Variants in DNM2 observed in about 807,000 individuals in gnomAD.
DNM2 encodes dynamin-2.
Under a neutral mutation model 99.0 loss-of-function variants are expected in DNM2, and 15 were observed. The observed-to-expected ratio is 0.15, with a 90% confidence interval of 0.10 to 0.23. The LOEUF (loss-of-function observed/expected upper bound fraction) is 0.23, where lower values mean the gene tolerates loss of function less well. DNM2 is among the 10% of genes least tolerant of loss of function. The pLI, the probability that DNM2 is intolerant of heterozygous loss-of-function variation, is 1.00. For missense variants in DNM2, 742 were observed against 1,189.4 expected (o/e 0.62, Z 5.53); for synonymous variants, 525 against 481.2 (o/e 1.09, Z -1.19).
Position 10,830,225 on chromosome 19 carries a change from C to T in DNM2, c.2390C>T (p.Pro797Leu), listed in dbSNP as rs2073290117. 2 of 1,613,994 alleles carry T rather than the reference C, an allele frequency of 1.2e-6. No individual in the cohort carries two copies. The highest frequency in any genetic ancestry group is 3.3e-4 in the Middle Eastern group (2 of 6,058). Reference protein sequence around the residue: ...PTPGPPLIPVPVGAAASFSAP... With the variant: ...PTPGPPLIPVLVGAAASFSAP... ...CCAGGGCCCCCCCTGATTCCTGTTC[C>T]CGTGGGGGCAGCAGCCTCCTTCTCG... The change falls in exon 20 of 21, where the codon CCC (proline) becomes CTC (leucine). Residue 797 changes from proline (P) to leucine (L), a missense_variant. Pro to Leu is a moderately conservative substitution (Grantham distance 98). Coordinates refer to ENST00000389253, the MANE Select transcript of DNM2 (RefSeq NM_001005361.3). The surrounding 1 kb of genome is among the most constrained non-coding windows in gnomAD (Gnocchi z 4.8).
chr19:10,802,328 C>A lies in DNM2; in HGVS notation c.1463C>A (p.Thr488Lys), dbSNP rs746903992. The A allele has an allele frequency of 2.5e-6, 4 of 1,614,192 alleles. No individual in the cohort carries two copies. The change falls in exon 12 of 21, where the codon ACG (threonine) becomes AAG (lysine). Residue 488 changes from threonine (T) to lysine (K), a missense_variant. By Grantham distance (78) the Thr-to-Lys change is moderately conservative (BLOSUM62 -1). Coordinates refer to ENST00000389253, the MANE Select transcript of DNM2 (RefSeq NM_001005361.3). Reference protein sequence around the residue: ...LIDIEQSYINTNHEDFIGFAN... With the variant: ...LIDIEQSYINKNHEDFIGFAN... ...GACATTGAGCAGTCCTACATCAACA[C>A]GAACCATGAGGACTTCATCGGGTTT...
intron 1 of DNM2, among the ~76,000 whole-genome samples, chr19:10,756,379 A>G (rs772330090): frequency 6.6e-6 from 1 of 152,026 alleles, no homozygotes; most frequent in African/African-American, 2.4e-5. Context: ...CACCTCCCCA[A>G]GTGCTCAGGA....
intron 2 of DNM2, among the ~76,000 whole-genome samples, chr19:10,760,344 G>A (rs901210179): frequency 6.6e-6 from 1 of 151,898 alleles, no homozygotes; most frequent in Non-Finnish European, 1.5e-5. Context: ...CCGGCCCCAT[G>A]TGTGCTTTTC....
In DNM2 at chr19:10,808,165, G is replaced by A. The variant is rs534676327; in HGVS notation, c.1546-404G>A. ...ATCAGGAAAAAAAAAAAGAAAGAAA[G>A]AAAAGGAAACCATAATCTTCGCAAA... On this transcript the variant is annotated intron_variant, in intron 13 of 20. Transcript: ENST00000389253. Among the ~76,000 whole-genome samples the A allele has an allele frequency of 4.6e-5, 7 of 151,272 alleles. No individual in the cohort carries two copies. The East Asian group carries it at 1.4e-3, about 30-fold the overall frequency.
At chr19:10,744,160 A>G (rs576512225) in intron 1 of DNM2, among the ~76,000 whole-genome samples, 160 of 152,170 alleles carry the variant, frequency 1.1e-3, no homozygotes, top group African/African-American at 3.8e-3. Context: ...TCCATCTAAA[A>G]AAAAAAAAAA....
chr19:10,739,548 C>T (rs1410182610), intron 1 of DNM2, among the ~76,000 whole-genome samples: 1 of 152,036 alleles, frequency 6.6e-6, no homozygotes, highest in Non-Finnish European at 1.5e-5. Context: ...TATTTAGCAT[C>T]ATGTTTTCAA....
Position 10,777,020 on chromosome 19 carries a change from AAGTTT to A in DNM2, c.590-97_590-93del. ...GGCTTTCCCAGGTGATGTGACCTGGAAGTTTCAGGGCCAACTGGACCCCAGGTGGC... is the reference window on the plus strand; with the variant it reads ...GGCTTTCCCAGGTGATGTGACCTGGACAGGGCCAACTGGACCCCAGGTGGC... On this transcript the variant is annotated intron_variant, in intron 4 of 20. Coordinates refer to ENST00000389253, the MANE Select transcript of DNM2 (RefSeq NM_001005361.3). 4.3e-6 allele frequency: 5 copies of A among 1,163,404 alleles called. No homozygotes were observed. In the East Asian group the frequency reaches 9.4e-5, roughly 22 times the overall value. The allele number at this position is 1,163,404 out of a possible 1,614,324, so 72.1% of individuals were successfully genotyped here. A position where few individuals can be genotyped will look rare whatever the true frequency, so the allele number is the denominator to read the frequency against.
rs773813749 is a variant in DNM2, at chr19:10,777,122, A to T, written c.594A>T (p.Leu198=). Residue 198 remains leucine (L), a synonymous_variant, in exon 5 of 21, where the codon CTA becomes CTT. Coordinates refer to ENST00000389253, the MANE Select transcript of DNM2 (RefSeq NM_001005361.3). ...KLAKEVDPQG[L]RTIGVITKLD... Reference sequence around the variant, plus strand: ...CTGACCTCTGGGCTCTTTCAGGCCTACGGACCATCGGTGTCATCACCAAGC... The same window carrying T: ...CTGACCTCTGGGCTCTTTCAGGCCTTCGGACCATCGGTGTCATCACCAAGC... 6.2e-7 allele frequency: 1 copy of T among 1,614,184 alleles called. No homozygotes were observed. Among genetic ancestry groups the T allele is most frequent in the South Asian group, 1.1e-5 (1 of 91,084 alleles).
intron 1 of DNM2, among the ~76,000 whole-genome samples, chr19:10,722,972 CT>C (rs1021479133): frequency 6.9e-4 from 100 of 144,214 alleles, no homozygotes; most frequent in South Asian, 2.0e-3. Flanking sequence ...CTTTCCCTTT[CT>C]TTTTTTTTTT....
In DNM2 at chr19:10,820,206, C is replaced by T; in HGVS notation, c.1781+117C>T. 1 of 1,001,626 alleles carries T rather than the reference C, an allele frequency of 1.0e-6. No individual in the cohort carries two copies. The allele number at this position is 1,001,626 out of a possible 1,614,324, so 62.0% of individuals were successfully genotyped here. Reference sequence around the variant, plus strand: ...CTGTCAGCAGTCCCTGCCCTTGGGACCCAGCTTTTAGAAAGGGGAGTCACG... The same window carrying T: ...CTGTCAGCAGTCCCTGCCCTTGGGATCCAGCTTTTAGAAAGGGGAGTCACG... On this transcript the variant is annotated intron_variant, in intron 16 of 20. Coordinates refer to ENST00000389253, the MANE Select transcript of DNM2 (RefSeq NM_001005361.3). The surrounding 1 kb of genome is among the most constrained non-coding windows in gnomAD (Gnocchi z 4.3).
rs952466509 is a variant in DNM2, at chr19:10,796,754, G to C, written c.1197-626G>C. ...TGTCCCCCAGGGGCAGCCCATTTTT[G>C]GATCCACTTAGTCACAGTGCCTCTA... On this transcript the variant is annotated intron_variant, in intron 9 of 20. Transcript: ENST00000389253. The surrounding 1 kb of genome is among the most constrained non-coding windows in gnomAD (Gnocchi z 5.6). 6.6e-6 allele frequency among the ~76,000 whole-genome samples: 1 copy of C among 152,050 alleles called. No homozygotes were observed. Among genetic ancestry groups the C allele is most frequent in the Non-Finnish European group, 1.5e-5 (1 of 68,014 alleles).
rs1266413989 is a variant in DNM2 at position 10,772,312 on chromosome 19, CT to C, written c.236-165del. Among the ~76,000 whole-genome samples the C allele has an allele frequency of 6.6e-6, 1 of 152,072 alleles. No individual in the cohort carries two copies. Among genetic ancestry groups the C allele is most frequent in the East Asian group, 1.9e-4 (1 of 5,188 alleles). ...GTGAGGATGGTCTGAATCTCCTGAC[CT>C]TGTGATCTGCCCACCTCTGCCTCCC... On this transcript the variant is annotated intron_variant, in intron 2 of 20. Coordinates refer to ENST00000389253, the MANE Select transcript of DNM2 (RefSeq NM_001005361.3). This position sits in a 1 kb window ranked among gnomAD's most constrained non-coding sequence, Gnocchi z 4.9.
chr19:10,732,837 G>A (rs2069380704), intron 1 of DNM2, among the ~76,000 whole-genome samples: 1 of 151,764 alleles, frequency 6.6e-6, no homozygotes. Context: ...CTTGCACCAG[G>A]TCCCTGCTAT....
rs990470079 is a variant in DNM2 at position 10,801,170 on chromosome 19, G to A, written c.1423-1118G>A. Among the ~76,000 whole-genome samples, 5 of 152,132 alleles carry A rather than the reference G, an allele frequency of 3.3e-5. No homozygotes were observed. In the South Asian group the frequency reaches 8.3e-4, roughly 25 times the overall value. On this transcript the variant is annotated intron_variant, in intron 11 of 20. Transcript: ENST00000389253. Reference sequence around the variant, plus strand: ...AAATACAAAAAATTAGCCAGGTGGTGTGGCGTGCGCCTGTGGTCTCAGCTA... The same window carrying A: ...AAATACAAAAAATTAGCCAGGTGGTATGGCGTGCGCCTGTGGTCTCAGCTA...
intron 8 of DNM2, among the ~76,000 whole-genome samples, chr19:10,794,363 G>A (rs143942921): frequency 6.6e-6 from 1 of 152,092 alleles, no homozygotes; most frequent in Non-Finnish European, 1.5e-5. Flanking sequence ...GTGTGTGTGT[G>A]TGTGTGTGTG....
chr19:10,788,298 G>C (rs1291055458), intron 7 of DNM2, among the ~76,000 whole-genome samples: 1 of 152,162 alleles, frequency 6.6e-6, no homozygotes, highest in Non-Finnish European at 1.5e-5. Context: ...GGGCAGGGCA[G>C]GAGCCGTGTG....
chr19:10,723,710 G>A (rs1473029929), intron 1 of DNM2, among the ~76,000 whole-genome samples: 2 of 152,350 alleles, frequency 1.3e-5, no homozygotes, highest in South Asian at 2.1e-4. Flanking sequence ...TGTTTCCTGA[G>A]TACTTTTACT....
intron 2 of DNM2, chr19:10,769,221 A>G: frequency 6.6e-6 from 1 of 152,360 alleles, no homozygotes; most frequent in East Asian, 1.9e-4. Context: ...TTTACAGATC[A>G]GTAGACTGAG....
intron 1 of DNM2, among the ~76,000 whole-genome samples, chr19:10,756,740 G>C (rs1031872919): frequency 1.6e-4 from 25 of 152,118 alleles, no homozygotes; most frequent in African/African-American, 6.0e-4. Context: ...CCTCTGTCTT[G>C]CCTCCTCCCA....
Sources: gnomAD v4.1 joint callset for allele counts (sites outside exome capture counted in the v4.1 genomes callset) on GRCh38, gnomAD v4.1.1 for gene constraint, Gnocchi (gnomAD v3.1) non-coding constraint, MANE v1.5 for transcripts, NCBI Gene and HGNC (gene_info 2026-07-23, HGNC 2026-07-21) for gene names.